The following ATG3 variants were observed in gnomAD, a reference collection of about 807,000 sequenced individuals.
ATG3 encodes autophagy related 3, also known as ubiquitin-like-conjugating enzyme ATG3.
A neutral mutation model predicts 50.7 loss-of-function variants in ATG3; 25 were observed. The ratio of observed to expected loss-of-function variants is 0.49; its 90% CI spans 0.36 to 0.69. The LOEUF (loss-of-function observed/expected upper bound fraction) is 0.69. Ranked by LOEUF, ATG3 falls within the 30% of genes least tolerant of loss-of-function variation. The probability of loss-of-function intolerance (pLI) is 0.00; values close to 1 mark genes in which losing one functional copy is unlikely to be tolerated. For missense variants in ATG3, 281 were observed against 376.0 expected (o/e 0.75, Z 2.09); for synonymous variants, 119 against 125.5 (o/e 0.95, Z 0.34).
chr3:112,561,297 G>A (rs1490281258), intron 1 of ATG3, among the ~76,000 whole-genome samples, 160 bp downstream of exon 1: 1 of 152,132 alleles, frequency 6.6e-6, no homozygotes, highest in Admixed American at 6.5e-5. Context: ...CGAACAGCCG[G>A]TTAAGACTAC....
chr3:112,553,168 G>C, intron 3 of ATG3, 112 bp downstream of exon 3: 2 of 860,946 alleles, frequency 2.3e-6, no homozygotes, highest in Admixed American at 2.2e-5. Context: ...CTGCTGGGGG[G>C]AAAGTTAAAC....
At chr3:112,554,270 GA>G (rs1933605044) in intron 2 of ATG3, among the ~76,000 whole-genome samples, 1 of 152,206 alleles carries the variant, frequency 6.6e-6, no homozygotes, top group Non-Finnish European at 1.5e-5. Context: ...TAGATGTGCT[GA>G]AGCAACTGAA....
intron 8 of ATG3, 72 bp from the exon 9 acceptor site, chr3:112,537,962 T>C: frequency 7.1e-7 from 1 of 1,414,152 alleles, no homozygotes; most frequent in South Asian, 1.3e-5. Flanking sequence ...AAAACTTATT[T>C]TTTCCATTCT....
chr3:112,558,726 T>C (rs73229382), intron 1 of ATG3, among the ~76,000 whole-genome samples: 14,464 of 152,118 alleles, frequency 0.095, 833 homozygotes, highest in South Asian at 0.23. Context: ...TAAAGCTCTA[T>C]GTAGAAACAT....
intron 1 of ATG3, among the ~76,000 whole-genome samples, chr3:112,558,899 C>T (rs940464353): frequency 6.6e-6 from 1 of 152,174 alleles, no homozygotes; most frequent in Non-Finnish European, 1.5e-5. Context: ...CCACCATGCC[C>T]GGCTAATTTT....
At position 112,561,678 on chromosome 3, in the gene ATG3, A is replaced by G. The variant is rs999621211; in HGVS notation, c.-150T>C. The G allele has an allele frequency of 2.3e-5, 17 of 752,222 alleles. No homozygotes were observed. The highest frequency in any genetic ancestry group is 3.3e-5 in the Non-Finnish European group (16 of 479,704). 46.6% of individuals were successfully genotyped at this position (752,222 alleles called of 1,614,324 possible). A position where few individuals can be genotyped will look rare whatever the true frequency, so the allele number is the denominator to read the frequency against. On this transcript the variant is annotated 5_prime_UTR_variant, in exon 1 of 12. Coordinates refer to ENST00000283290, the MANE Select transcript of ATG3 (RefSeq NM_022488.5). ...AGGGGACGGGACGCGACGCGACGGG[A>G]CGGGCGGGACGAGGGGGCGGGGCGG...
intron 11 of ATG3, chr3:112,533,289 TCATTGCACTTAAAAA>T (rs1032147196): frequency 4.8e-5 from 47 of 984,622 alleles, no homozygotes; most frequent in Middle Eastern, 5.2e-4. Context: ...TTTTTTATGT[TCATTGCACTTAAAAA>T]CATTAGGAGC....
At chr3:112,550,103 A>G (rs1018710391) in intron 4 of ATG3, 89 bp downstream of exon 4, 31 of 939,282 alleles carry the variant, frequency 3.3e-5, no homozygotes, top group Middle Eastern at 5.1e-4. Flanking sequence ...AAAACTAAGG[A>G]AAAAATTTTC....
At chr3:112,561,270 G>A (rs1022529692) in intron 1 of ATG3, among the ~76,000 whole-genome samples, 187 bp downstream of exon 1, 7 of 152,148 alleles carry the variant, frequency 4.6e-5, no homozygotes, top group Non-Finnish European at 8.8e-5. Context: ...TACCCCTGAG[G>A]AGTCAGAAAG....
chr3:112,558,249 C>A, intron 2 of ATG3, 127 bp downstream of exon 2: 1 of 659,124 alleles, frequency 1.5e-6, no homozygotes, highest in Non-Finnish European at 2.6e-6. Context: ...CCATAAATCA[C>A]AGTCATAAAA....
At chr3:112,547,204 C>T (rs999277857) in intron 5 of ATG3, among the ~76,000 whole-genome samples, 9 of 152,140 alleles carry the variant, frequency 5.9e-5, no homozygotes, top group Non-Finnish European at 1.2e-4. Context: ...TGGTTACAGG[C>T]CAGAGATACT....
chr3:112,542,399 A>T (rs1933256974), intron 6 of ATG3, among the ~76,000 whole-genome samples: 1 of 152,140 alleles, frequency 6.6e-6, no homozygotes, highest in Non-Finnish European at 1.5e-5. Context: ...TCTTAACTAT[A>T]TTAGCTCTAA....
chr3:112,542,288 T>A (rs928194086), intron 6 of ATG3, among the ~76,000 whole-genome samples: 6 of 152,124 alleles, frequency 3.9e-5, no homozygotes, highest in African/African-American at 1.4e-4. Flanking sequence ...AAAATATAAA[T>A]CAAACACTAT....
intron 3 of ATG3, among the ~76,000 whole-genome samples, chr3:112,551,879 A>G (rs1933538911): frequency 6.6e-6 from 1 of 152,176 alleles, no homozygotes; most frequent in African/African-American, 2.4e-5. Context: ...TTAATTTTAA[A>G]TATGGAACAA....
intron 5 of ATG3, among the ~76,000 whole-genome samples, chr3:112,546,791 T>C (rs1405278235): frequency 6.6e-6 from 1 of 152,116 alleles, no homozygotes; most frequent in Non-Finnish European, 1.5e-5. Flanking sequence ...CTTCCAGGCA[T>C]GGAAAAGTCA....
At chr3:112,555,998 C>G (rs1559848852) in intron 2 of ATG3, among the ~76,000 whole-genome samples, 1 of 152,208 alleles carries the variant, frequency 6.6e-6, no homozygotes, top group African/African-American at 2.4e-5. Context: ...GGAAATAAAA[C>G]CAAAGAGTGC....
chr3:112,536,351 G>T lies in ATG3; in HGVS notation c.794+124C>A, dbSNP rs150829675. 1,485 of 1,171,590 alleles carry T rather than the reference G, an allele frequency of 1.3e-3. 3 individuals are homozygous for T. Among genetic ancestry groups the T allele is most frequent in the Middle Eastern group, 1.7e-3 (6 of 3,442 alleles). The allele number at this position is 1,171,590 out of a possible 1,614,324, so 72.6% of individuals were successfully genotyped here. On this transcript the variant is annotated intron_variant, in intron 10 of 11. Transcript: ENST00000283290. ...GAAAATTTCTAAGGAGGACAAGAGA[G>T]AATTTTACTTTTTAGTAAGAAAATT... is the stretch of plus-strand genomic sequence containing the variant.
In ATG3 at chr3:112,540,883, T is replaced by C. The variant is rs558071163; in HGVS notation, c.475+920A>G. 2.6e-5 allele frequency among the ~76,000 whole-genome samples: 4 copies of C among 152,332 alleles called. No homozygotes were observed. The East Asian group carries it at 7.7e-4, about 29-fold the overall frequency. On this transcript the variant is annotated intron_variant, in intron 7 of 11. Coordinates refer to ENST00000283290, the MANE Select transcript of ATG3 (RefSeq NM_022488.5). Reference sequence around the variant, plus strand: ...AGCAATTTTTTCATCTACTTTTAAATATCTGAGGTTTCAAATGTATTGAAA... The same window carrying C: ...AGCAATTTTTTCATCTACTTTTAAACATCTGAGGTTTCAAATGTATTGAAA...
At position 112,561,518 on chromosome 3, in the gene ATG3, A is replaced by C; in HGVS notation, c.11T>G (p.Val4Gly). The change falls in exon 1 of 12, where the codon GTG (valine) becomes GGG (glycine). Residue 4 changes from valine to glycine, a missense_variant. Transcript: ENST00000283290. Reference sequence around the variant, plus strand: ...TGCCTTTCCCTTCACAGTATTAATCACATTCTGCATCCTGGGGCCGGAGTA... The same window carrying C: ...TGCCTTTCCCTTCACAGTATTAATCCCATTCTGCATCCTGGGGCCGGAGTA... MQN[V>G]INTVKGKALE... 6.2e-7 allele frequency: 1 copy of C among 1,607,754 alleles called. No homozygotes were observed. The highest frequency in any genetic ancestry group is 8.5e-7 in the Non-Finnish European group (1 of 1,177,400).
Sources: gnomAD v4.1 joint callset for allele counts (sites outside exome capture counted in the v4.1 genomes callset) on GRCh38, gnomAD v4.1.1 for gene constraint, MANE v1.5 for transcripts, NCBI Gene and HGNC (gene_info 2026-07-23, HGNC 2026-07-21) for gene names.